Variants in SLC12A5 observed in about 807,000 individuals in gnomAD.
SLC12A5 encodes the protein solute carrier family 12 member 5, also known as K-Cl cotransporter 2.
Under a neutral mutation model 124.0 loss-of-function variants are expected in SLC12A5, and 18 were observed. The observed-to-expected ratio is 0.15, with a 90% CI of 0.10 to 0.22. SLC12A5 has a LOEUF of 0.22. Among genes scored for constraint, SLC12A5 ranks in the 10% least tolerant of loss-of-function variants. The pLI, the probability that SLC12A5 is intolerant of heterozygous loss-of-function variation, is 1.00. For synonymous variants in SLC12A5, 589 were observed against 568.0 expected (o/e 1.04, Z -0.53); for missense variants, 867 against 1,478.7 (o/e 0.59, Z 6.78).
upstream of SLC12A5, among the ~76,000 whole-genome samples, chr20:46,025,705 G>T (rs2084391831): frequency 6.6e-6 from 1 of 152,226 alleles, no homozygotes; most frequent in Non-Finnish European, 1.5e-5. Context: ...AGACAGTGGT[G>T]GTTGACGTGC....
chr20:46,039,399 T>C, intron 6 of SLC12A5, among the ~76,000 whole-genome samples: 1 of 152,356 alleles, frequency 6.6e-6, no homozygotes, highest in Middle Eastern at 3.4e-3. Flanking sequence ...AAAAATGAGA[T>C]AATGAGACAT....
intron 2 of SLC12A5, 70 bp from the exon 3 acceptor site, chr20:46,035,334 C>T: frequency 1.3e-6 from 2 of 1,558,404 alleles, no homozygotes; most frequent in South Asian, 1.2e-5. Context: ...ATCTCTTCCT[C>T]TGCCCTTCGC....
At chr20:46,023,904 G>A (rs565300613), downstream of SLC12A5, among the ~76,000 whole-genome samples, 43 of 152,294 alleles carry the variant, frequency 2.8e-4, no homozygotes, top group Admixed American at 1.9e-3. Flanking sequence ...AAGATGAGAG[G>A]AGGGTGGCTG....
intron 1 of SLC12A5, among the ~76,000 whole-genome samples, chr20:46,033,987 T>C (rs1013338896): frequency 6.6e-6 from 1 of 152,126 alleles, no homozygotes; most frequent in East Asian, 1.9e-4. Context: ...TGACTCCCCA[T>C]TGCCCTCTGG....
chr20:46,021,714 C>T (rs988533460), upstream of SLC12A5: 1 of 1,525,236 alleles, frequency 6.6e-7, no homozygotes, highest in African/African-American at 1.4e-5. Flanking sequence ...CTGGTTGCAG[C>T]CACTTGTGCG....
intron 1 of SLC12A5, among the ~76,000 whole-genome samples, chr20:46,030,642 C>CAT (rs1404758277): frequency 2.0e-5 from 3 of 152,246 alleles, no homozygotes; most frequent in Non-Finnish European, 4.4e-5. Flanking sequence ...AGCCTAGACT[C>CAT]CCGCAGATCC....
chr20:46,047,559 C>T lies in SLC12A5; in HGVS notation c.1893C>T (p.Tyr631=), dbSNP rs758192433. Residue 631 remains tyrosine (Y), a synonymous_variant, in exon 15 of 26, where the codon TAC becomes TAT. Coordinates refer to ENST00000243964, the MANE Select transcript of SLC12A5 (RefSeq NM_020708.5). ...AMLIAGLIYK[Y]IEYRGAEKEW... ...TCATTGCTGGACTCATCTACAAGTA[C>T]ATTGAGTACCGTGGGTGAGTGTGGG... 2 of 1,613,426 alleles carry T rather than the reference C, an allele frequency of 1.2e-6. No individual in the cohort carries two copies. Among genetic ancestry groups the T allele is most frequent in the Admixed American group, 1.7e-5 (1 of 59,982 alleles).
chr20:46,043,465 G>C, intron 9 of SLC12A5, 142 bp downstream of exon 9: 1 of 1,261,406 alleles, frequency 7.9e-7, no homozygotes, highest in East Asian at 2.3e-5. Context: ...GGAGAGATGA[G>C]GGAATTAAGG....
intron 9 of SLC12A5, 94 bp downstream of exon 9, chr20:46,043,417 C>A (rs1236865888): frequency 5.4e-6 from 8 of 1,478,172 alleles, no homozygotes; most frequent in Non-Finnish European, 7.4e-6. Context: ...GTCCAAAAAC[C>A]CCATCATGAA....
chr20:46,051,623 G>A, intron 17 of SLC12A5, 52 bp from the exon 18 acceptor site: 1 of 1,556,570 alleles, frequency 6.4e-7, no homozygotes, highest in Non-Finnish European at 8.7e-7. Context: ...AATGGGCCCA[G>A]CCAGGGCCAG....
At chr20:46,043,540 G>T (rs1276806424) in intron 9 of SLC12A5, 93 bp from the exon 10 acceptor site, 1 of 1,359,412 alleles carries the variant, frequency 7.4e-7, no homozygotes, top group Non-Finnish European at 1.0e-6. Flanking sequence ...CTAGATCCCA[G>T]ACTCACTGAC....
chr20:46,039,298 A>AG (rs1310845826), intron 6 of SLC12A5, among the ~76,000 whole-genome samples: 4 of 152,258 alleles, frequency 2.6e-5, no homozygotes, highest in Admixed American at 2.6e-4. Flanking sequence ...TTTACGATTC[A>AG]GGGAAAACTA....
At chr20:46,033,889 A>C (rs555545877) in intron 1 of SLC12A5, among the ~76,000 whole-genome samples, 2 of 152,096 alleles carry the variant, frequency 1.3e-5, no homozygotes, top group South Asian at 4.1e-4. Context: ...TAACTACGGT[A>C]CTCTGTTTTC....
In SLC12A5 at chr20:46,021,851, CA is replaced by C; in HGVS notation, c.14del (p.Asp6ThrfsTer72). 1 of 1,532,276 alleles carries C rather than the reference CA, an allele frequency of 6.5e-7. No individual in the cohort carries two copies. Among genetic ancestry groups the C allele is most frequent in the Non-Finnish European group, 8.7e-7 (1 of 1,145,340 alleles). The allele number at this position is 1,532,276 out of a possible 1,614,324, so 94.9% of individuals were successfully genotyped here. ...CCAGAGTCCCGCCGGCATTCGGTCG[CA>C]GACCCCCGCCACCTCCCGGGGGAAG... On this transcript the variant is annotated frameshift_variant, in exon 1 of 3. Transcript: ENST00000413737. LOFTEE classifies it high-confidence loss of function.
intron 4 of SLC12A5, 198 bp downstream of exon 4, chr20:46,036,121 T>A: frequency 1.8e-6 from 1 of 561,520 alleles, no homozygotes; most frequent in Non-Finnish European, 3.0e-6. Flanking sequence ...TAACCAGGTT[T>A]CACCTGGATC....
rs2084358791 is a variant in SLC12A5, at chr20:46,021,921, G to A, written c.48+35G>A. ...GCAGGGGGCGGGGCCTGCCAGGGCC[G>A]GGCGGGACGAGGGGGAGGGGCCGGG... On this transcript the variant is annotated intron_variant, in intron 1 of 2. Coordinates refer to the SLC12A5 transcript ENST00000413737. 3 of 1,483,360 alleles carry A rather than the reference G, an allele frequency of 2.0e-6. No homozygotes were observed. In the South Asian group the frequency reaches 3.9e-5, roughly 19 times the overall value. The allele number at this position is 1,483,360 out of a possible 1,614,324, so 91.9% of individuals were successfully genotyped here. A position where few individuals can be genotyped will look rare whatever the true frequency, so the allele number is the denominator to read the frequency against.
At position 46,035,506 on chromosome 20, in the gene SLC12A5, A is replaced by G. The variant is rs775553338; in HGVS notation, c.250A>G (p.Asn84Asp). ...TAGGGAGCATGAAGAGGCAGAAAAC[A>G]ATGAGGGTGGAAAAAAGAAGCCGGT... ...GSREHEEAEN[N>D]EGGKKKPVQA... Residue 84 changes from asparagine to aspartate, a missense_variant, in exon 3 of 26, where the codon AAT (asparagine) becomes GAT (aspartate). This residue lies in a region of SLC12A5 where 126 missense variants were observed against 291.6 expected (regional missense o/e 0.43). Transcript: ENST00000243964. The G allele has an allele frequency of 6.2e-7, 1 of 1,613,308 alleles. No homozygotes were observed. The highest frequency in any genetic ancestry group is 8.5e-7 in the Non-Finnish European group (1 of 1,179,682).
Position 46,056,845 on chromosome 20 carries a change from T to C in SLC12A5, c.3111-52T>C. 5.7e-6 allele frequency: 9 copies of C among 1,591,604 alleles called. No homozygotes were observed. The African/African-American group carries it at 6.7e-5, about 12-fold the overall frequency. ...CAAGCCCCCAGTGTCTTCCTCTTTTTCTGACTCTGCTCTTTTTCTTTCTCT... is the reference window on the plus strand; with the variant it reads ...CAAGCCCCCAGTGTCTTCCTCTTTTCCTGACTCTGCTCTTTTTCTTTCTCT... On this transcript the variant is annotated intron_variant, in intron 23 of 25. Coordinates refer to ENST00000243964, the MANE Select transcript of SLC12A5 (RefSeq NM_020708.5). This position sits in a 1 kb window ranked among gnomAD's most constrained non-coding sequence, Gnocchi z 4.3.
At chr20:46,050,986 C>T (rs2084641553) in intron 17 of SLC12A5, among the ~76,000 whole-genome samples, 2 of 152,138 alleles carry the variant, frequency 1.3e-5, no homozygotes, top group Admixed American at 6.5e-5. Flanking sequence ...GTGACTCACC[C>T]AAGGTCACAC....
Sources: allele counts gnomAD v4.1 joint callset (sites outside exome capture counted in the v4.1 genomes callset), GRCh38; gene constraint gnomAD v4.1.1; regional missense constraint gnomAD v4.1.1; non-coding constraint Gnocchi (gnomAD v3.1); transcripts MANE v1.5; gene names NCBI Gene and HGNC (gene_info 2026-07-23, HGNC 2026-07-21).